Variants in MRPS27 observed in about 807,000 individuals in gnomAD.
MRPS27 encodes the protein mitochondrial ribosomal protein S27.
In MRPS27, 43 loss-of-function variants were observed where a neutral mutation model predicts 48.9. The observed-to-expected ratio is 0.88, with a 90% confidence interval of 0.69 to 1.13. The LOEUF is 1.13. Ranked by LOEUF, MRPS27 falls within the 50% of genes most tolerant of loss-of-function variation. The pLI, the probability that MRPS27 is intolerant of heterozygous loss-of-function variation, is 0.00. For missense variants in MRPS27, 467 were observed against 476.3 expected (o/e 0.98, Z 0.18); for synonymous variants, 188 against 171.9 (o/e 1.09, Z -0.73).
intron 4 of MRPS27, among the ~76,000 whole-genome samples, chr5:72,256,648 G>C (rs754335104): frequency 5.3e-5 from 8 of 152,232 alleles, no homozygotes; most frequent in Non-Finnish European, 8.8e-5. Context: ...AGATGGGTGA[G>C]GCAGACAGGA....
At chr5:72,268,179 A>G (rs1318697891) in intron 4 of MRPS27, among the ~76,000 whole-genome samples, 5 of 152,074 alleles carry the variant, frequency 3.3e-5, no homozygotes, top group Admixed American at 6.6e-5. Flanking sequence ...AAAAAAAATT[A>G]TAAGTCAAAT....
intron 4 of MRPS27, among the ~76,000 whole-genome samples, chr5:72,257,083 AG>A (rs1748829124): frequency 6.6e-6 from 1 of 152,204 alleles, no homozygotes; most frequent in Non-Finnish European, 1.5e-5. Flanking sequence ...AAGGTATCCC[AG>A]GTACCTGAAC....
In MRPS27 at chr5:72,223,629, G is replaced by T. The variant is rs372653734; in HGVS notation, c.1005+54C>A. 20 of 1,592,700 alleles carry T rather than the reference G, an allele frequency of 1.3e-5. No individual in the cohort carries two copies. In the East Asian group the frequency reaches 1.6e-4, roughly 12 times the overall value. ...AAAGAATGCTTATCCATCACCACAG[G>T]AGAGAAGTGTGTTTTATGCGCTGCT... On this transcript the variant is annotated intron_variant, in intron 10 of 10. Coordinates refer to ENST00000261413, the MANE Select transcript of MRPS27 (RefSeq NM_015084.3).
intron 4 of MRPS27, among the ~76,000 whole-genome samples, chr5:72,279,829 CT>C (rs1749487190): frequency 6.6e-6 from 1 of 151,632 alleles, no homozygotes; most frequent in Non-Finnish European, 1.5e-5. Flanking sequence ...TAATATTCTC[CT>C]ATATTTCCTT....
chr5:72,262,124 G>A (rs1325006741), intron 4 of MRPS27, among the ~76,000 whole-genome samples: 4 of 152,176 alleles, frequency 2.6e-5, no homozygotes, highest in South Asian at 2.1e-4. Context: ...TGGCATACTA[G>A]TGAAAAATTT....
intron 4 of MRPS27, among the ~76,000 whole-genome samples, chr5:72,284,862 T>C (rs185482576): frequency 3.9e-5 from 6 of 152,344 alleles, no homozygotes; most frequent in Admixed American, 2.6e-4. Flanking sequence ...CTGCACAGTA[T>C]TCCACTGTAC....
chr5:72,295,712 T>C (rs1168066312), intron 3 of MRPS27, 123 bp from the exon 4 acceptor site: 1 of 690,576 alleles, frequency 1.4e-6, no homozygotes, highest in Non-Finnish European at 2.6e-6. Flanking sequence ...ACGATGGTGA[T>C]GCTTAGTGGA....
chr5:72,312,600 C>T (rs886491123), intron 2 of MRPS27, among the ~76,000 whole-genome samples: 5 of 151,100 alleles, frequency 3.3e-5, no homozygotes, highest in Admixed American at 1.3e-4. Flanking sequence ...TCCTCTGTAT[C>T]GTGGCGAAGG....
chr5:72,309,617 A>G, intron 2 of MRPS27, among the ~76,000 whole-genome samples: 1 of 152,174 alleles, frequency 6.6e-6, no homozygotes, highest in East Asian at 1.9e-4. Flanking sequence ...TCAGGTATCC[A>G]TGACAATGTT....
At chr5:72,255,202 C>T (rs1307386550) in intron 4 of MRPS27, among the ~76,000 whole-genome samples, 1 of 151,526 alleles carries the variant, frequency 6.6e-6, no homozygotes. Context: ...GGGCATGTGC[C>T]ACCATGTCCT....
intron 4 of MRPS27, among the ~76,000 whole-genome samples, chr5:72,247,727 A>G (rs1445192483): frequency 6.6e-6 from 1 of 152,358 alleles, no homozygotes; most frequent in East Asian, 1.9e-4. Flanking sequence ...TTCATCTTAT[A>G]TCTAAGAAAG....
At chr5:72,282,837 G>C (rs1749564387) in intron 4 of MRPS27, among the ~76,000 whole-genome samples, 1 of 152,124 alleles carries the variant, frequency 6.6e-6, no homozygotes, top group Non-Finnish European at 1.5e-5. Flanking sequence ...AATGAAGTCT[G>C]TCACCTAAAT....
intron 8 of MRPS27, 27 bp downstream of exon 8, chr5:72,228,239 A>G (rs777568384): frequency 6.8e-7 from 1 of 1,478,642 alleles, no homozygotes; most frequent in Non-Finnish European, 9.4e-7. Flanking sequence ...CATGAAGAAC[A>G]GTATTTGTAA....
intron 2 of MRPS27, among the ~76,000 whole-genome samples, chr5:72,304,825 TACATAACTGC>T (rs1750217009): frequency 6.6e-6 from 1 of 152,246 alleles, no homozygotes. Flanking sequence ...TTTTCTTTTC[TACATAACTGC>T]ACATTACTGT....
At chr5:72,264,013 T>C (rs1297235013) in intron 4 of MRPS27, among the ~76,000 whole-genome samples, 1 of 152,064 alleles carries the variant, frequency 6.6e-6, no homozygotes, top group East Asian at 1.9e-4. Flanking sequence ...AACAGATGAG[T>C]GAATAAATAA....
Position 72,228,329 on chromosome 5 carries a change from G to C in MRPS27, c.631C>G (p.Pro211Ala). 3.1e-6 allele frequency: 5 copies of C among 1,613,518 alleles called. No homozygotes were observed. The highest frequency in any genetic ancestry group is 4.2e-6 in the Non-Finnish European group (5 of 1,179,660). ...ERNFGASLLL[P>A]GLKQKNSVGF... is the part of the protein sequence containing the mutation. ...ACTGAGTTCTTTTGTTTTAGGCCTG[G>C]AAGCAAAAGGGATGCACCAAAGTTC... The change falls in exon 8 of 11, where the codon CCA becomes GCA. Residue 211 changes from proline (P) to alanine (A), a missense_variant. Pro to Ala is a conservative substitution (Grantham distance 27). Transcript: ENST00000261413.
At chr5:72,307,350 G>GAAAAT (rs545948713) in intron 2 of MRPS27, among the ~76,000 whole-genome samples, 1 of 151,988 alleles carries the variant, frequency 6.6e-6, no homozygotes, top group Admixed American at 6.6e-5. Context: ...AAGGCTCTAA[G>GAAAAT]AAAATAAAAT....
At position 72,233,318 on chromosome 5, in the gene MRPS27, C is replaced by T. The variant is rs140125258; in HGVS notation, c.476-760G>A. 2.9e-3 allele frequency among the ~76,000 whole-genome samples: 434 copies of T among 152,148 alleles called. 3 individuals are homozygous for T. Among genetic ancestry groups the T allele is most frequent in the Admixed American group, 6.9e-3 (105 of 15,264 alleles). ...GCAGGCTTTAAGCAATTTTTATTTTCCCTTGATATTCTACAACATAGATGG... is the reference window on the plus strand; with the variant it reads ...GCAGGCTTTAAGCAATTTTTATTTTTCCTTGATATTCTACAACATAGATGG... On this transcript the variant is annotated intron_variant, in intron 6 of 10. Transcript: ENST00000261413.
intron 4 of MRPS27, among the ~76,000 whole-genome samples, chr5:72,284,179 G>A (rs1046120381): frequency 3.3e-5 from 5 of 151,634 alleles, no homozygotes; most frequent in South Asian, 4.2e-4. Context: ...TTGGGAGGCC[G>A]AGGCAGGTGG....
Sources: allele counts gnomAD v4.1 joint callset (sites outside exome capture counted in the v4.1 genomes callset), GRCh38; gene constraint gnomAD v4.1.1; transcripts MANE v1.5; gene names NCBI Gene and HGNC (gene_info 2026-07-23, HGNC 2026-07-21).